The following USF3 variants were observed in gnomAD, a reference collection of about 807,000 sequenced individuals.
The protein encoded by USF3 is upstream transcription factor family member 3.
Under a neutral mutation model 157.5 loss-of-function variants are expected in USF3, and 29 were observed. The ratio of observed to expected loss-of-function variants is 0.18; its 90% CI spans 0.14 to 0.25. The LOEUF is 0.25. USF3 is among the 10% of genes least tolerant of loss of function. The pLI is 1.00. For missense variants in USF3, 2,381 were observed against 2,667.6 expected (o/e 0.89, Z 2.37); for synonymous variants, 893 against 941.4 (o/e 0.95, Z 0.94).
chr3:113,659,845 T>C lies in USF3; in HGVS notation c.1837A>G (p.Ile613Val). The C allele has an allele frequency of 6.2e-7, 1 of 1,614,208 alleles. No individual in the cohort carries two copies. ...TTTTGCACTGAATTATTAGACCCTA[T>C]TACAGTATTGGCTCCATTGATGGGG... is the stretch of plus-strand genomic sequence containing the variant. The part of the protein sequence containing the change: ...RLPINGANTV[I>V]GSNNSVQNVP... Residue 613 changes from isoleucine to valine, a missense_variant, in exon 7 of 7, where the codon ATA (isoleucine) becomes GTA (valine). Transcript: ENST00000316407.
At chr3:113,664,508 G>GT in intron 5 of USF3, 99 bp from the exon 6 acceptor site, 1 of 568,580 alleles carries the variant, frequency 1.8e-6, no homozygotes, top group Non-Finnish European at 3.1e-6. Flanking sequence ...TATATGATAC[G>GT]TATCTTCTCA....
rs954729059 is a variant in USF3 at position 113,677,327 on chromosome 3, T to C, written c.-64A>G. On this transcript the variant is annotated 5_prime_UTR_variant, in exon 2 of 7. Coordinates refer to ENST00000316407, the MANE Select transcript of USF3 (RefSeq NM_001009899.4). Reference sequence around the variant, plus strand: ...TTCACTTTTGATTCCTGGCTTCCAATGCCTCCCGTTTCTGATCCAAATGTA... The same window carrying C: ...TTCACTTTTGATTCCTGGCTTCCAACGCCTCCCGTTTCTGATCCAAATGTA... 5 of 152,336 alleles carry C rather than the reference T, an allele frequency of 3.3e-5. No homozygotes were observed. Among genetic ancestry groups the C allele is most frequent in the Non-Finnish European group, 2.9e-5 (2 of 68,030 alleles). 9.4% of individuals were successfully genotyped at this position (152,336 alleles called of 1,614,324 possible). A position where few individuals can be genotyped will look rare whatever the true frequency, so the allele number is the denominator to read the frequency against.
At position 113,655,630 on chromosome 3, in the gene USF3, T is replaced by C. The variant is rs373111363; in HGVS notation, c.6052A>G (p.Thr2018Ala). The C allele has an allele frequency of 2.5e-6, 4 of 1,613,948 alleles. No homozygotes were observed. The South Asian group carries it at 3.3e-5, about 13-fold the overall frequency. The change falls in exon 7 of 7, where the codon ACT becomes GCT. Residue 2018 changes from threonine to alanine, a missense_variant. By Grantham distance (58) the Thr-to-Ala change is moderately conservative. Transcript: ENST00000316407. ...CGTCCAAGAATCATACTGCCACCAG[T>C]AGAGAGAGGAAGATGGGGAAGACTT... ...DPSLPHLPLS[T>A]GGSMILGRQQ...
At chr3:113,695,514 T>C (rs1486766710) in intron 1 of USF3, among the ~76,000 whole-genome samples, 1 of 152,246 alleles carries the variant, frequency 6.6e-6, no homozygotes, top group Non-Finnish European at 1.5e-5. Context: ...ATGTCTTCTT[T>C]GCCTACACAG....
rs755745381 is a variant in USF3 at position 113,659,346 on chromosome 3, G to A, written c.2336C>T (p.Ser779Phe). 10 of 1,614,074 alleles carry A rather than the reference G, an allele frequency of 6.2e-6. No individual in the cohort carries two copies. Among genetic ancestry groups the A allele is most frequent in the Admixed American group, 1.7e-5 (1 of 60,010 alleles). The change falls in exon 7 of 7, where the codon TCC (serine) becomes TTC (phenylalanine). Residue 779 changes from serine to phenylalanine, a missense_variant. Ser to Phe is a radical substitution (Grantham distance 155). Transcript: ENST00000316407. ...LASTYNLVST[S>F]SMNTVACLPN... ...CAAACAAGCAACAGTGTTCATTGAGGAAGTACTCACTAGATTATAAGTACT... is the reference window on the plus strand; with the variant it reads ...CAAACAAGCAACAGTGTTCATTGAGAAAGTACTCACTAGATTATAAGTACT...
At chr3:113,661,564 T>C (rs907447567) in intron 6 of USF3, 139 bp from the exon 7 acceptor site, 100 of 474,418 alleles carry the variant, frequency 2.1e-4, no homozygotes, top group African/African-American at 1.9e-3. Flanking sequence ...TCAGCTCTTT[T>C]CTAATACAAC....
Position 113,651,941 on chromosome 3 carries a change from CAATT to C in USF3, c.*2999_*3002del, listed in dbSNP as rs1347477511. 1 of 152,160 alleles carries C rather than the reference CAATT, an allele frequency of 6.6e-6. No homozygotes were observed. Among genetic ancestry groups the C allele is most frequent in the Non-Finnish European group, 1.5e-5 (1 of 68,042 alleles). 9.4% of individuals were successfully genotyped at this position (152,160 alleles called of 1,614,324 possible). On this transcript the variant is annotated 3_prime_UTR_variant, in exon 7 of 7. Coordinates refer to ENST00000316407, the MANE Select transcript of USF3 (RefSeq NM_001009899.4). ...CTGAACACAGCTAAGCAGGAAAATACAATTAATGCAACAGAAATACTTGAAAGTC... is the reference window on the plus strand; with the variant it reads ...CTGAACACAGCTAAGCAGGAAAATACAATGCAACAGAAATACTTGAAAGTC...
chr3:113,660,879 T>C lies in USF3; in HGVS notation c.803A>G (p.His268Arg). Reference protein sequence around the residue: ...AVSIESEPHQHHSLHTCLNDQ... With the variant: ...AVSIESEPHQRHSLHTCLNDQ... The stretch of plus-strand genomic sequence containing the variant: ...ATTTAGGCATGTGTGCAAAGAATGA[T>C]GTTGGTGAGGCTCAGATTCAATTGA... The change falls in exon 7 of 7, where the codon CAT becomes CGT. Residue 268 changes from histidine (H) to arginine (R), a missense_variant. His to Arg is a conservative substitution (Grantham distance 29). This residue lies in a region of USF3 where 1,435 missense variants were observed against 1,550.9 expected (regional missense o/e 0.93). Coordinates refer to ENST00000316407, the MANE Select transcript of USF3 (RefSeq NM_001009899.4). The C allele has an allele frequency of 6.2e-7, 1 of 1,614,154 alleles. No individual in the cohort carries two copies. The highest frequency in any genetic ancestry group is 1.6e-4 in the Middle Eastern group (1 of 6,062).
rs1032839332 is a variant in USF3 at position 113,652,223 on chromosome 3, A to T, written c.*2721T>A. ...GAGAGGGAAATGAATAGCCAAACAC[A>T]TGGAAAACTGTCCTTCTTGAAATTG... On this transcript the variant is annotated 3_prime_UTR_variant, in exon 7 of 7. Transcript: ENST00000316407. 2.0e-5 allele frequency: 3 copies of T among 152,250 alleles called. No homozygotes were observed. The East Asian group carries it at 5.8e-4, about 29-fold the overall frequency. 9.4% of individuals were successfully genotyped at this position (152,250 alleles called of 1,614,324 possible). A position where few individuals can be genotyped will look rare whatever the true frequency, so the allele number is the denominator to read the frequency against.
chr3:113,657,535 A>G lies in USF3; in HGVS notation c.4147T>C (p.Ser1383Pro), dbSNP rs756525891. The G allele has an allele frequency of 1.9e-6, 3 of 1,614,090 alleles. No individual in the cohort carries two copies. The highest frequency in any genetic ancestry group is 2.5e-6 in the Non-Finnish European group (3 of 1,180,026). The change falls in exon 7 of 7, where the codon TCA (serine) becomes CCA (proline). Residue 1383 changes from serine to proline, a missense_variant. By Grantham distance (74) the Ser-to-Pro change is moderately conservative. Around this residue, in one of 6 missense-constraint regions of USF3, gnomAD observed 1,435 missense variants for 1,550.9 expected, o/e 0.93. Coordinates refer to ENST00000316407, the MANE Select transcript of USF3 (RefSeq NM_001009899.4). ...MMVSQIPPNS[S>P]NSVVPVSNPA... Reference sequence around the variant, plus strand: ...TTGCTAACAGGCACAACTGAGTTTGAAGAATTAGGAGGGATCTGACTGACC... The same window carrying G: ...TTGCTAACAGGCACAACTGAGTTTGGAGAATTAGGAGGGATCTGACTGACC...
intron 1 of USF3, among the ~76,000 whole-genome samples, chr3:113,677,869 T>C (rs182538173): frequency 6.6e-6 from 1 of 152,274 alleles, no homozygotes; most frequent in Non-Finnish European, 1.5e-5. Context: ...GACCTTTGCA[T>C]TGCATGTGTT....
intron 1 of USF3, among the ~76,000 whole-genome samples, chr3:113,685,748 A>G (rs1025670942): frequency 6.6e-5 from 10 of 152,142 alleles, no homozygotes; most frequent in African/African-American, 2.4e-4. Context: ...CTCTTTGGTC[A>G]GCAGGTGGTG....
At position 113,659,062 on chromosome 3, in the gene USF3, A is replaced by T. The variant is rs1264928983; in HGVS notation, c.2620T>A (p.Ser874Thr). 1.2e-5 allele frequency: 19 copies of T among 1,614,070 alleles called. No individual in the cohort carries two copies. In the Middle Eastern group the frequency reaches 4.9e-4, roughly 42 times the overall value. The part of the protein sequence containing the change: ...SHSLGVLSSE[S>T]LIPESVSKSK... ...TTCGATACAGACTCAGGTATTAATG[A>T]TTCAGAGCTTAGAACACCCAAAGAA... is the stretch of plus-strand genomic sequence containing the variant. Residue 874 changes from serine to threonine, a missense_variant, in exon 7 of 7, where the codon TCA (serine) becomes ACA (threonine). Physicochemically the swap from Ser to Thr is moderately conservative, Grantham distance 58. Transcript: ENST00000316407.
intron 2 of USF3, 123 bp from the exon 3 acceptor site, chr3:113,675,019 T>A: frequency 1.5e-6 from 1 of 679,962 alleles, no homozygotes; most frequent in Non-Finnish European, 2.7e-6. Context: ...TTGAAAAGCA[T>A]TGGATTAGGT....
intron 3 of USF3, among the ~76,000 whole-genome samples, chr3:113,674,352 T>G (rs1707229183): frequency 2.0e-5 from 3 of 151,586 alleles, no homozygotes; most frequent in Admixed American, 2.0e-4. Context: ...TTTTTTTTCT[T>G]TTTTTTTTCT....
rs1055817801 is a variant in USF3, at chr3:113,652,033, A to C, written c.*2911T>G. The stretch of plus-strand genomic sequence containing the variant: ...GAGCTTCTCCTTAGCCTGTTACCTT[A>C]CTTTCAATTATGTCTAGCAGTCCCC... On this transcript the variant is annotated 3_prime_UTR_variant, in exon 7 of 7. Transcript: ENST00000316407. The C allele has an allele frequency of 1.1e-4, 16 of 152,038 alleles. No homozygotes were observed. Among genetic ancestry groups the C allele is most frequent in the African/African-American group, 3.4e-4 (14 of 41,506 alleles). The allele number at this position is 152,038 out of a possible 1,614,324, so 9.4% of individuals were successfully genotyped here.
Position 113,686,451 on chromosome 3 carries a change from C to T in USF3, c.-134-9054G>A, listed in dbSNP as rs1434568486. 2.0e-5 allele frequency among the ~76,000 whole-genome samples: 3 copies of T among 152,198 alleles called. No individual in the cohort carries two copies. In the East Asian group the frequency reaches 5.8e-4, roughly 29 times the overall value. ...GCTAAAACTAGGTACTGTGATCACTCACCTGATTTTGTTTTCTTTGTACAG... is the reference window on the plus strand; with the variant it reads ...GCTAAAACTAGGTACTGTGATCACTTACCTGATTTTGTTTTCTTTGTACAG... On this transcript the variant is annotated intron_variant, in intron 1 of 6. Transcript: ENST00000316407.
intron 2 of USF3, among the ~76,000 whole-genome samples, chr3:113,675,724 G>A (rs1421062772): frequency 6.6e-6 from 1 of 152,174 alleles, no homozygotes; most frequent in Non-Finnish European, 1.5e-5. Context: ...AAATACATGA[G>A]ACTGGGTAAT....
rs773271247 is a variant in USF3 at position 113,659,908 on chromosome 3, G to A, written c.1774C>T (p.Pro592Ser). ...CCAGGAGGTGGAGCAGGGAGGAGTGGCAAAGGATTCTGATTAGCAGCCTGT... is the reference window on the plus strand; with the variant it reads ...CCAGGAGGTGGAGCAGGGAGGAGTGACAAAGGATTCTGATTAGCAGCCTGT... ...IIQAANQNPL[P>S]LLPAPPPGSV... Residue 592 changes from proline (P) to serine (S), a missense_variant, in exon 7 of 7, where the codon CCA becomes TCA. Transcript: ENST00000316407. The A allele has an allele frequency of 8.7e-6, 14 of 1,614,044 alleles. No homozygotes were observed. Among genetic ancestry groups the A allele is most frequent in the Non-Finnish European group, 5.1e-6 (6 of 1,180,018 alleles).
Sources: allele counts gnomAD v4.1 joint callset (sites outside exome capture counted in the v4.1 genomes callset), GRCh38; gene constraint gnomAD v4.1.1; regional missense constraint gnomAD v4.1.1; transcripts MANE v1.5; gene names NCBI Gene and HGNC (gene_info 2026-07-23, HGNC 2026-07-21).